The following PCDHGB6 variants were observed in gnomAD, a reference collection of about 807,000 sequenced individuals.
PCDHGB6 encodes the protein protocadherin gamma subfamily B, 6, also known as protocadherin gamma-B6.
PCDHGB6 carries 51 observed loss-of-function variants against 59.1 expected under a neutral mutation model. That is an observed-to-expected ratio of 0.86 (90% CI 0.69 to 1.09). PCDHGB6 has a LOEUF of 1.09. Ranked by LOEUF, PCDHGB6 falls within the 50% of genes least tolerant of loss-of-function variation. The pLI, the probability that PCDHGB6 is intolerant of heterozygous loss-of-function variation, is 0.00. For synonymous variants in PCDHGB6, 466 were observed against 495.1 expected (o/e 0.94, Z 0.78); for missense variants, 1,148 against 1,205.1 (o/e 0.95, Z 0.70).
At chr5:141,427,450 CT>C in intron 1 of PCDHGB6, 1 of 486,442 alleles carries the variant, frequency 2.1e-6, no homozygotes, top group South Asian at 1.5e-5. Flanking sequence ...GAAAGAGTTC[CT>C]TTTAGAATCG....
chr5:141,510,633 TACCA>T (rs2099882032), intron 3 of PCDHGB6, among the ~76,000 whole-genome samples: 1 of 152,110 alleles, frequency 6.6e-6, no homozygotes, highest in Admixed American at 6.6e-5. Flanking sequence ...AAGAGGTGGT[TACCA>T]TTATCATCCC....
intron 1 of PCDHGB6, chr5:141,430,688 A>G: frequency 1.4e-6 from 2 of 1,402,360 alleles, no homozygotes; most frequent in Non-Finnish European, 1.9e-6. Context: ...GTCCCATTCT[A>G]TGGGCGAAGG....
rs200464357 is a variant in PCDHGB6 at position 141,489,983 on chromosome 5, G to A, written c.2419-4824G>A. 4.5e-5 allele frequency: 73 copies of A among 1,614,172 alleles called. No homozygotes were observed. Among genetic ancestry groups the A allele is most frequent in the Middle Eastern group, 3.3e-4 (2 of 6,062 alleles). ...CCAACCTTCCAATCCTCAGTTCTAC[G>A]TGTGGGAATCCCAGAGAATGCACCC... On this transcript the variant is annotated intron_variant, in intron 1 of 3. Coordinates refer to ENST00000520790, the MANE Select transcript of PCDHGB6 (RefSeq NM_018926.3). This position sits in a 1 kb window ranked among gnomAD's most constrained non-coding sequence, Gnocchi z 4.5.
At chr5:141,444,358 A>T (rs2098433774) in intron 1 of PCDHGB6, among the ~76,000 whole-genome samples, 1 of 151,436 alleles carries the variant, frequency 6.6e-6, no homozygotes, top group Non-Finnish European at 1.5e-5. Context: ...TTTAGTAGAG[A>T]CGGGGTTTCT....
At chr5:141,418,307 A>C (rs372854408) in intron 1 of PCDHGB6, 24 of 1,613,982 alleles carry the variant, frequency 1.5e-5, no homozygotes, top group Non-Finnish European at 2.0e-5. Context: ...CAGCCTGGGG[A>C]TGGGAACAAT....
At chr5:141,462,800 A>C (rs1039129881) in intron 1 of PCDHGB6, among the ~76,000 whole-genome samples, 2 of 152,128 alleles carry the variant, frequency 1.3e-5, no homozygotes, top group Non-Finnish European at 2.9e-5. Flanking sequence ...TTGCATGTCT[A>C]ATAATGTTTT....
At chr5:141,509,310 G>A (rs1223508453) in intron 3 of PCDHGB6, among the ~76,000 whole-genome samples, 2 of 152,174 alleles carry the variant, frequency 1.3e-5, no homozygotes, top group Non-Finnish European at 1.5e-5. Flanking sequence ...GAGGGAGGCT[G>A]GGAGAGAAGC....
chr5:141,428,001 T>C (rs149531447), intron 1 of PCDHGB6: 1 of 1,601,704 alleles, frequency 6.2e-7, no homozygotes, highest in Admixed American at 1.7e-5. Flanking sequence ...CTCCGCACTC[T>C]TCGATATAGT....
chr5:141,455,133 C>G (rs1172825339), intron 1 of PCDHGB6, among the ~76,000 whole-genome samples: 2 of 151,392 alleles, frequency 1.3e-5, no homozygotes, highest in African/African-American at 4.9e-5. Context: ...TTAAATTACA[C>G]TGTGTTAAAT....
chr5:141,408,797 C>T lies in PCDHGB6; in HGVS notation c.595C>T (p.Leu199Phe), dbSNP rs965305130. The T allele has an allele frequency of 6.2e-7, 1 of 1,612,958 alleles. No homozygotes were observed. The highest frequency in any genetic ancestry group is 1.3e-5 in the African/African-American group (1 of 74,978). Residue 199 changes from leucine (L) to phenylalanine (F), a missense_variant, in exon 1 of 4, where the codon CTC becomes TTC. Leu to Phe is a conservative substitution (Grantham distance 22). Transcript: ENST00000520790. ...ATACCCAGAGTTATCTCTGGAGAAA[C>T]TCCTAGACCGGGAAGAACAGAGATC... is the stretch of plus-strand genomic sequence containing the variant. ...GKYPELSLEK[L>F]LDREEQRSHS...
chr5:141,421,611 T>C lies in PCDHGB6; in HGVS notation c.2418+10991T>C, dbSNP rs747573417. 6.8e-6 allele frequency: 11 copies of C among 1,613,694 alleles called. No homozygotes were observed. The African/African-American group carries it at 1.3e-4, about 20-fold the overall frequency. On this transcript the variant is annotated intron_variant, in intron 1 of 3. Transcript: ENST00000520790. ...TGGAGGTGGAAATAATAGATATTAA[T>C]GATAACGCCCCCAGCTTCCAGGAGG...
rs1369501221 is a variant in PCDHGB6 at position 141,493,257 on chromosome 5, A to G, written c.2419-1550A>G. On this transcript the variant is annotated intron_variant, in intron 1 of 3. Coordinates refer to ENST00000520790, the MANE Select transcript of PCDHGB6 (RefSeq NM_018926.3). The surrounding 1 kb of genome is among the most constrained non-coding windows in gnomAD (Gnocchi z 4.3). ...GGCTAGGTACTAACATGCCTCTCTT[A>G]TAACAGCTTCACAGAGGTCAAGTGA... Among the ~76,000 whole-genome samples the G allele has an allele frequency of 6.6e-6, 1 of 152,190 alleles. No individual in the cohort carries two copies. Among genetic ancestry groups the G allele is most frequent in the South Asian group, 2.1e-4 (1 of 4,830 alleles).
In PCDHGB6 at chr5:141,476,780, C is replaced by T. The variant is rs201463036; in HGVS notation, c.2419-18027C>T. On this transcript the variant is annotated intron_variant, in intron 1 of 3. Transcript: ENST00000520790. This position sits in a 1 kb window ranked among gnomAD's most constrained non-coding sequence, Gnocchi z 7.6. ...GCTGACGGCGTTGGACGGAGGGACCCCAGCTCTCTCCGCCAGCCTGCCTAT... is the reference window on the plus strand; with the variant it reads ...GCTGACGGCGTTGGACGGAGGGACCTCAGCTCTCTCCGCCAGCCTGCCTAT... 234 of 1,613,464 alleles carry T rather than the reference C, an allele frequency of 1.5e-4. No individual in the cohort carries two copies. Among genetic ancestry groups the T allele is most frequent in the Non-Finnish European group, 1.9e-4 (227 of 1,180,026 alleles).
chr5:141,495,077 C>T (rs1237589417), intron 2 of PCDHGB6, among the ~76,000 whole-genome samples: 4 of 152,180 alleles, frequency 2.6e-5, no homozygotes, highest in African/African-American at 9.7e-5. Flanking sequence ...AATTCACATG[C>T]TTGCCCCTTC....
At chr5:141,425,546 A>G (rs2096882460) in intron 1 of PCDHGB6, among the ~76,000 whole-genome samples, 1 of 152,202 alleles carries the variant, frequency 6.6e-6, no homozygotes, top group African/African-American at 2.4e-5. Flanking sequence ...CTTTTCAGAA[A>G]CCTCTTTTAT....
In PCDHGB6 at chr5:141,489,327, G is replaced by A; in HGVS notation, c.2419-5480G>A. The A allele has an allele frequency of 6.2e-7, 1 of 1,603,940 alleles. No individual in the cohort carries two copies. Among genetic ancestry groups the A allele is most frequent in the South Asian group, 1.1e-5 (1 of 89,400 alleles). ...TGTGCTGCTGGGGCTGGGTGTCTGG[G>A]CAGCTTCGTTACTCAGTGGTGGAGG... is the stretch of plus-strand genomic sequence containing the variant. On this transcript the variant is annotated intron_variant, in intron 1 of 3. Transcript: ENST00000520790. This position sits in a 1 kb window ranked among gnomAD's most constrained non-coding sequence, Gnocchi z 4.5.
At chr5:141,420,699 C>T (rs2096518531) in intron 1 of PCDHGB6, among the ~76,000 whole-genome samples, 1 of 152,236 alleles carries the variant, frequency 6.6e-6, no homozygotes, top group African/African-American at 2.4e-5. Context: ...ATTATTTCCA[C>T]TTCCAGAAAT....
intron 1 of PCDHGB6, among the ~76,000 whole-genome samples, chr5:141,438,788 A>G (rs1024095720): frequency 3.3e-5 from 5 of 149,742 alleles, no homozygotes; most frequent in Non-Finnish European, 7.4e-5. Flanking sequence ...CAGCCTCTCC[A>G]GTAGCTGGGA....
rs771408685 is a variant in PCDHGB6, at chr5:141,486,166, G to T, written c.2419-8641G>T. ...GCGATGGGGGTTCTCCAGCCATGGA[G>T]CAACATTGCAGCCTTCGAGTGGATC... is the stretch of plus-strand genomic sequence containing the variant. On this transcript the variant is annotated intron_variant, in intron 1 of 3. Transcript: ENST00000520790. The surrounding 1 kb of genome is among the most constrained non-coding windows in gnomAD (Gnocchi z 5.0). 1.9e-6 allele frequency: 3 copies of T among 1,614,106 alleles called. No homozygotes were observed. Among genetic ancestry groups the T allele is most frequent in the Non-Finnish European group, 2.5e-6 (3 of 1,180,048 alleles).
Sources: gnomAD v4.1 joint callset for allele counts (sites outside exome capture counted in the v4.1 genomes callset) on GRCh38, gnomAD v4.1.1 for gene constraint, Gnocchi (gnomAD v3.1) non-coding constraint, MANE v1.5 for transcripts, NCBI Gene and HGNC (gene_info 2026-07-23, HGNC 2026-07-21) for gene names.